The following FBXO36 variants were observed in gnomAD, a reference collection of about 807,000 sequenced individuals.
The protein encoded by FBXO36 is F-box protein 36.
In FBXO36, 18 loss-of-function variants were observed where a neutral mutation model predicts 17.0. That is an observed-to-expected ratio of 1.06 (90% CI 0.73 to 1.57). The LOEUF is 1.57. Among genes scored for constraint, FBXO36 ranks in the 40% most tolerant of loss-of-function variants. The probability of loss-of-function intolerance (pLI) is 0.00; values close to 1 mark genes in which losing one functional copy is unlikely to be tolerated. For missense variants in FBXO36, 229 were observed against 221.9 expected (o/e 1.03, Z -0.20); for synonymous variants, 83 against 85.3 (o/e 0.97, Z 0.15).
chr2:229,993,976 G>A (rs189679748), intron 2 of FBXO36, among the ~76,000 whole-genome samples: 98 of 151,472 alleles, frequency 6.5e-4, no homozygotes, highest in Non-Finnish European at 9.9e-4. Context: ...GATTCACTGT[G>A]TTAGCCAGGT....
chr2:229,923,229 C>T (rs2076832953), intron 1 of FBXO36: 1 of 143,742 alleles, frequency 7.0e-6, no homozygotes, highest in African/African-American at 2.5e-5. Context: ...TTCAGCCCCA[C>T]CCATAATGAC....
At chr2:229,998,031 T>C (rs2077336558) in intron 3 of FBXO36, among the ~76,000 whole-genome samples, 1 of 152,224 alleles carries the variant, frequency 6.6e-6, no homozygotes, top group Non-Finnish European at 1.5e-5. Context: ...GAACCCTGAC[T>C]AGCTCGGTAT....
intron 1 of FBXO36, chr2:229,937,807 G>A (rs939499427): frequency 2.0e-5 from 3 of 152,158 alleles, no homozygotes; most frequent in Non-Finnish European, 4.4e-5. Context: ...GGGAAAGGGT[G>A]TCTCTTCTTG....
intron 2 of FBXO36, among the ~76,000 whole-genome samples, chr2:229,982,499 A>T (rs951109123): frequency 6.6e-6 from 1 of 151,992 alleles, no homozygotes; most frequent in Non-Finnish European, 1.5e-5. Context: ...ATCCAGGATT[A>T]TCTCCCATCT....
intron 2 of FBXO36, among the ~76,000 whole-genome samples, chr2:229,978,207 G>T (rs2077220084): frequency 6.6e-6 from 1 of 152,182 alleles, no homozygotes; most frequent in Admixed American, 6.5e-5. Context: ...AGGATTGCTT[G>T]AGCCCAGGTG....
Position 229,977,669 on chromosome 2 carries a change from C to G in FBXO36, c.205+1320C>G, listed in dbSNP as rs575875666. Among the ~76,000 whole-genome samples, 11 of 150,776 alleles carry G rather than the reference C, an allele frequency of 7.3e-5. No homozygotes were observed. The South Asian group carries it at 2.3e-3, about 32-fold the overall frequency. Reference sequence around the variant, plus strand: ...TTCACCATGTTGGCCAGGCTGGTCTCGAACTCCTGACCTCAGGTGATCCAC... The same window carrying G: ...TTCACCATGTTGGCCAGGCTGGTCTGGAACTCCTGACCTCAGGTGATCCAC... On this transcript the variant is annotated intron_variant, in intron 2 of 3. Transcript: ENST00000283946.
intron 1 of FBXO36, among the ~76,000 whole-genome samples, chr2:229,962,523 A>ATTTTG (rs2077128227): frequency 6.8e-6 from 1 of 147,824 alleles, no homozygotes; most frequent in Non-Finnish European, 1.5e-5. Flanking sequence ...ATTTTATTTT[A>ATTTTG]TTTTATTTTA....
Position 229,992,561 on chromosome 2 carries a change from A to G in FBXO36, c.206-4190A>G, listed in dbSNP as rs114686263. On this transcript the variant is annotated intron_variant, in intron 2 of 3. Coordinates refer to ENST00000283946, the MANE Select transcript of FBXO36 (RefSeq NM_174899.5). The stretch of plus-strand genomic sequence containing the variant: ...AGGCTTTCACCAACCCTCTCGTCAC[A>G]CTCATTCACATTTTTATGGACTTTT... Among the ~76,000 whole-genome samples, 231 of 151,882 alleles carry G rather than the reference A, an allele frequency of 1.5e-3. 1 individual carries two copies. Among genetic ancestry groups the G allele is most frequent in the Middle Eastern group, 6.8e-3 (2 of 292 alleles).
intron 1 of FBXO36, among the ~76,000 whole-genome samples, chr2:229,949,538 T>TATAC (rs1553805136): frequency 2.0e-5 from 3 of 149,426 alleles, no homozygotes; most frequent in Non-Finnish European, 3.0e-5. Flanking sequence ...GTAAAATGTA[T>TATAC]ACACACACAC....
intron 3 of FBXO36, among the ~76,000 whole-genome samples, chr2:230,008,433 C>A (rs1018600067): frequency 6.6e-6 from 1 of 152,138 alleles, no homozygotes; most frequent in Non-Finnish European, 1.5e-5. Flanking sequence ...CGTTTTGCAA[C>A]CTGGCAACTA....
chr2:229,933,273 A>G (rs929693704), intron 1 of FBXO36, among the ~76,000 whole-genome samples: 1 of 152,062 alleles, frequency 6.6e-6, no homozygotes, highest in African/African-American at 2.4e-5. Context: ...CTATAATTCT[A>G]GCTACTCGGG....
chr2:229,981,678 G>T (rs1201804370), intron 2 of FBXO36, among the ~76,000 whole-genome samples: 2 of 139,984 alleles, frequency 1.4e-5, no homozygotes, highest in African/African-American at 5.2e-5. Context: ...CTCCAACCTG[G>T]GTGACAGAAT....
At chr2:229,986,183 A>G (rs755945515) in intron 2 of FBXO36, among the ~76,000 whole-genome samples, 3 of 152,196 alleles carry the variant, frequency 2.0e-5, no homozygotes, top group African/African-American at 7.2e-5. Context: ...GTTTATGCAT[A>G]CATACAAGAA....
At position 229,936,301 on chromosome 2, in the gene FBXO36, T is replaced by G. The variant is rs1294180311; in HGVS notation, c.96+13692T>G. On this transcript the variant is annotated intron_variant, in intron 1 of 3. Coordinates refer to ENST00000283946, the MANE Select transcript of FBXO36 (RefSeq NM_174899.5). ...TGCTGTGGCCAGAGTCACAGTTCTA[T>G]CCTACAACTTCAATCATTTTATTCT... Among the ~76,000 whole-genome samples, 3 of 152,188 alleles carry G rather than the reference T, an allele frequency of 2.0e-5. No individual in the cohort carries two copies. The South Asian group carries it at 6.2e-4, about 31-fold the overall frequency.
At chr2:229,940,219 A>G (rs917840535) in intron 1 of FBXO36, among the ~76,000 whole-genome samples, 4 of 152,344 alleles carry the variant, frequency 2.6e-5, no homozygotes, top group Middle Eastern at 3.4e-3. Context: ...TTTTTATATA[A>G]GTGAAATAAT....
rs117700350 is a variant in FBXO36 at position 229,963,066 on chromosome 2, C to T, written c.97-13175C>T. ...TTCATTCAGTCCCCTATTGCTTGAC[C>T]CAGGTTGCTTTTTTTTTGAGATGGA... On this transcript the variant is annotated intron_variant, in intron 1 of 3. Transcript: ENST00000283946. 8.8e-4 allele frequency among the ~76,000 whole-genome samples: 133 copies of T among 150,718 alleles called. 3 individuals carry two copies. In the East Asian group the frequency reaches 0.024, roughly 27 times the overall value.
intron 1 of FBXO36, among the ~76,000 whole-genome samples, chr2:229,930,776 A>G (rs188337733): frequency 2.6e-5 from 4 of 151,976 alleles, no homozygotes; most frequent in Non-Finnish European, 5.9e-5. Flanking sequence ...GAGATGCTTT[A>G]CCCCTTCGCC....
At chr2:229,992,836 A>T (rs1403411680) in intron 2 of FBXO36, among the ~76,000 whole-genome samples, 2 of 152,200 alleles carry the variant, frequency 1.3e-5, no homozygotes, top group African/African-American at 4.8e-5. Flanking sequence ...AGAAGGCTTG[A>T]TTGGGGCTGG....
chr2:229,993,985 G>A (rs1277088048), intron 2 of FBXO36, among the ~76,000 whole-genome samples: 3 of 152,018 alleles, frequency 2.0e-5, no homozygotes, highest in Non-Finnish European at 4.4e-5. Context: ...TGTTAGCCAG[G>A]TTGGTCTCGA....
Sources: allele counts gnomAD v4.1 joint callset (sites outside exome capture counted in the v4.1 genomes callset), GRCh38; gene constraint gnomAD v4.1.1; transcripts MANE v1.5; gene names NCBI Gene and HGNC (gene_info 2026-07-23, HGNC 2026-07-21).